The following SOS2 variants were observed in gnomAD, a reference collection of about 807,000 sequenced individuals.
SOS2 encodes son of sevenless homolog 2.
Under a neutral mutation model 148.2 loss-of-function variants are expected in SOS2, and 65 were observed. That is an observed-to-expected ratio of 0.44 (90% CI 0.36 to 0.54). SOS2 has a LOEUF of 0.54. SOS2 is among the 20% of genes least tolerant of loss of function. The pLI is 0.00. For synonymous variants in SOS2, 539 were observed against 537.1 expected (o/e 1.00, Z -0.05); for missense variants, 1,341 against 1,590.2 (o/e 0.84, Z 2.67).
chr14:50,181,145 C>A (rs1398905833), intron 6 of SOS2, among the ~76,000 whole-genome samples: 1 of 151,978 alleles, frequency 6.6e-6, no homozygotes. Context: ...GGAATATATC[C>A]TTAAAAATGA....
At chr14:50,165,468 T>G (rs1343636915) in intron 8 of SOS2, among the ~76,000 whole-genome samples, 3 of 152,196 alleles carry the variant, frequency 2.0e-5, no homozygotes, top group African/African-American at 7.2e-5. Flanking sequence ...ATTATGTATT[T>G]TTTTTTACTC....
chr14:50,180,042 C>G (rs1885680010), intron 7 of SOS2, among the ~76,000 whole-genome samples: 1 of 150,896 alleles, frequency 6.6e-6, no homozygotes, highest in African/African-American at 2.4e-5. Flanking sequence ...TCTCACTATT[C>G]CACCCAAGCT....
chr14:50,213,689 C>A (rs920634220), intron 1 of SOS2, among the ~76,000 whole-genome samples: 5 of 147,526 alleles, frequency 3.4e-5, no homozygotes, highest in South Asian at 2.2e-4. Flanking sequence ...CAAAAAAAAA[C>A]CCCAAAAATA....
At chr14:50,159,063 G>A (rs989666937) in intron 10 of SOS2, among the ~76,000 whole-genome samples, 3 of 151,924 alleles carry the variant, frequency 2.0e-5, no homozygotes, top group South Asian at 2.1e-4. Context: ...TGTTGCGGGC[G>A]CCTATAGTCC....
chr14:50,211,371 A>G (rs1886863442), intron 1 of SOS2, among the ~76,000 whole-genome samples: 1 of 152,008 alleles, frequency 6.6e-6, no homozygotes, highest in Non-Finnish European at 1.5e-5. Flanking sequence ...ATATGTGCAG[A>G]TTTTGTTACC....
chr14:50,158,517 T>C, intron 11 of SOS2, 48 bp downstream of exon 11: 1 of 1,160,826 alleles, frequency 8.6e-7, no homozygotes, highest in Non-Finnish European at 1.3e-6. Flanking sequence ...AAAATACAGT[T>C]AATTTTTCAC....
rs187910835 is a variant in SOS2 at position 50,147,191 on chromosome 14, A to G, written c.2385-1595T>C. ...AGCCTGGGTGACAGAGTGAGACCCC[A>G]TCTTAAACAAACAAACAACAACAAC... On this transcript the variant is annotated intron_variant, in intron 14 of 22. Coordinates refer to ENST00000216373, the MANE Select transcript of SOS2 (RefSeq NM_006939.4). 2.7e-5 allele frequency among the ~76,000 whole-genome samples: 4 copies of G among 148,862 alleles called. No individual in the cohort carries two copies. The East Asian group carries it at 8.0e-4, about 30-fold the overall frequency.
Position 50,199,875 on chromosome 14 carries a change from T to C in SOS2, c.346-20A>G. 4 of 1,489,830 alleles carry C rather than the reference T, an allele frequency of 2.7e-6. No homozygotes were observed. The highest frequency in any genetic ancestry group is 3.7e-6 in the Non-Finnish European group (4 of 1,092,478). The allele number at this position is 1,489,830 out of a possible 1,614,324, so 92.3% of individuals were successfully genotyped here. On this transcript the variant is annotated intron_variant, in intron 3 of 22. Coordinates refer to ENST00000216373, the MANE Select transcript of SOS2 (RefSeq NM_006939.4). ...TACTTCCTGTGAAAAGAATAAATAA[T>C]TTAATTGCAAAATGTAGCACTGTCA... is the stretch of plus-strand genomic sequence containing the variant.
Position 50,231,341 on chromosome 14 carries a change from G to A in SOS2, c.-58C>T. On this transcript the variant is annotated 5_prime_UTR_variant, in exon 1 of 23. Coordinates refer to ENST00000216373, the MANE Select transcript of SOS2 (RefSeq NM_006939.4). ...AGCCCGCGGGCCGGGCCGGTGGCCT[G>A]ACAGGCAGGGCGCGGGCCGCCTCGC... 1.1e-6 allele frequency: 1 copy of A among 880,446 alleles called. No homozygotes were observed. 54.5% of individuals were successfully genotyped at this position (880,446 alleles called of 1,614,324 possible).
At chr14:50,206,730 A>G (rs1423410689) in intron 1 of SOS2, among the ~76,000 whole-genome samples, 1 of 151,766 alleles carries the variant, frequency 6.6e-6, no homozygotes, top group African/African-American at 2.4e-5. Flanking sequence ...ATTTTTAAAC[A>G]TGAGATTTTT....
intron 21 of SOS2, among the ~76,000 whole-genome samples, chr14:50,125,837 G>A (rs150995967): frequency 1.8e-4 from 27 of 152,246 alleles, no homozygotes; most frequent in African/African-American, 6.3e-4. Flanking sequence ...TTTATTCTCC[G>A]GAAAATCTAA....
At chr14:50,178,652 G>A (rs1451815953) in intron 7 of SOS2, among the ~76,000 whole-genome samples, 20 of 17,098 alleles carry the variant, frequency 1.2e-3, no homozygotes, top group African/African-American at 3.3e-3. Context: ...CCGCTAGTGT[G>A]TGTGTGTGTG....
At chr14:50,140,931 G>A (rs1884254334) in intron 16 of SOS2, among the ~76,000 whole-genome samples, 1 of 152,090 alleles carries the variant, frequency 6.6e-6, no homozygotes, top group Admixed American at 6.6e-5. Context: ...GAGGCCAGGT[G>A]CAGTGGCTCA....
At chr14:50,208,976 G>A (rs1325465551) in intron 1 of SOS2, among the ~76,000 whole-genome samples, 1 of 152,160 alleles carries the variant, frequency 6.6e-6, no homozygotes, top group African/African-American at 2.4e-5. Flanking sequence ...TTGGTAGACT[G>A]AGAAAAGCAG....
chr14:50,224,314 TACACACACACACAC>T lies in SOS2; in HGVS notation c.87+6869_87+6882del, dbSNP rs71118856. Among the ~76,000 whole-genome samples the T allele has an allele frequency of 1.6e-3, 163 of 101,022 alleles. 2 individuals carry two copies. Among genetic ancestry groups the T allele is most frequent in the East Asian group, 0.012 (42 of 3,488 alleles). The allele number at this position is 101,022 out of a possible 152,430, so 66.3% of individuals were successfully genotyped here. A position where few individuals can be genotyped will look rare whatever the true frequency, so the allele number is the denominator to read the frequency against. ...TCAGGAAAAAAAAAAAATATATATA[TACACACACACACAC>T]ACACACACACACACACACACACACA... On this transcript the variant is annotated intron_variant, in intron 1 of 22. Transcript: ENST00000216373.
Position 50,118,307 on chromosome 14 carries a change from A to C in SOS2, c.*37T>G, listed in dbSNP as rs746397757. 4 of 1,508,078 alleles carry C rather than the reference A, an allele frequency of 2.7e-6. No individual in the cohort carries two copies. The highest frequency in any genetic ancestry group is 1.8e-6 in the Non-Finnish European group (2 of 1,119,482). The allele number at this position is 1,508,078 out of a possible 1,614,324, so 93.4% of individuals were successfully genotyped here. On this transcript the variant is annotated 3_prime_UTR_variant, in exon 23 of 23. Coordinates refer to ENST00000216373, the MANE Select transcript of SOS2 (RefSeq NM_006939.4). The stretch of plus-strand genomic sequence containing the variant: ...ATAAATTAAAAAAAAAACTTTACAA[A>C]TACCATTCCAGTGTCAATGACTACA...
intron 1 of SOS2, among the ~76,000 whole-genome samples, chr14:50,205,758 T>G (rs533572798): frequency 1.3e-5 from 2 of 152,058 alleles, no homozygotes; most frequent in East Asian, 3.9e-4. Flanking sequence ...ATGGTGAAAC[T>G]AAAAATACAA....
At chr14:50,128,102 A>C (rs1400269968) in intron 21 of SOS2, among the ~76,000 whole-genome samples, 2 of 152,198 alleles carry the variant, frequency 1.3e-5, no homozygotes, top group African/African-American at 2.4e-5. Context: ...CTCCTATTAA[A>C]ATCAGGGAGC....
At chr14:50,161,241 A>C (rs186018683) in intron 9 of SOS2, among the ~76,000 whole-genome samples, 1 of 145,548 alleles carries the variant, frequency 6.9e-6, no homozygotes, top group Admixed American at 6.9e-5. Flanking sequence ...TGCAGGTTGC[A>C]GTGAGCTGAG....
Sources: gnomAD v4.1 joint callset for allele counts (sites outside exome capture counted in the v4.1 genomes callset) on GRCh38, gnomAD v4.1.1 for gene constraint, MANE v1.5 for transcripts, NCBI Gene and HGNC (gene_info 2026-07-23, HGNC 2026-07-21) for gene names.